RIPOR2: variants seen among roughly 807,000 people sequenced by gnomAD.
RIPOR2 encodes RHO family interacting cell polarization regulator 2, also known as rho family-interacting cell polarization regulator 2.
RIPOR2 carries 39 observed loss-of-function variants against 114.5 expected under a neutral mutation model. The ratio of observed to expected loss-of-function variants is 0.34; its 90% confidence interval spans 0.26 to 0.44. RIPOR2 has a LOEUF of 0.44. RIPOR2 is among the 20% of genes least tolerant of loss of function. The probability of loss-of-function intolerance (pLI) is 1.00; values close to 1 mark genes in which losing one functional copy is unlikely to be tolerated. For synonymous variants in RIPOR2, 445 were observed against 484.4 expected, an observed-to-expected ratio of 0.92 and a Z score of 1.07; for missense variants, 1,007 against 1,255.1, an observed-to-expected ratio of 0.80 and a Z score of 2.99.
At chr6:24,964,900 A>G (rs140114776) in intron 1 of RIPOR2, among the ~76,000 whole-genome samples, 1 of 152,266 alleles carries the variant, frequency 6.6e-6, no homozygotes, top group Non-Finnish European at 1.5e-5. Flanking sequence ...GATATTGAAC[A>G]TCTTTTTATG....
intron 21 of RIPOR2, among the ~76,000 whole-genome samples, chr6:24,808,022 TA>T (rs1562207355): frequency 6.6e-6 from 1 of 152,134 alleles, no homozygotes; most frequent in Admixed American, 6.6e-5. Flanking sequence ...AAAAAATCCT[TA>T]AAAAATCCTG....
chr6:24,976,668 G>C, intron 1 of RIPOR2: 4 of 1,608,252 alleles, frequency 2.5e-6, no homozygotes, highest in South Asian at 1.1e-5. Context: ...CAGGGTTTAT[G>C]TGTCAGGGTG....
intron 1 of RIPOR2, chr6:24,976,688 C>T (rs1774066634): frequency 1.9e-6 from 3 of 1,607,820 alleles, no homozygotes; most frequent in African/African-American, 1.3e-5. Flanking sequence ...GGTGACTTCA[C>T]ACGCCATAAT....
intron 1 of RIPOR2, among the ~76,000 whole-genome samples, chr6:25,027,901 G>A (rs138752983): frequency 9.3e-4 from 141 of 152,316 alleles, no homozygotes; most frequent in African/African-American, 3.2e-3. Flanking sequence ...CAGTCGGGCC[G>A]CTGAGCCATC....
rs1302207784 is a variant in RIPOR2 at position 24,830,610 on chromosome 6, G to A, written c.2405C>T (p.Pro802Leu). 6.4e-7 allele frequency: 1 copy of A among 1,551,466 alleles called. No individual in the cohort carries two copies. The highest frequency in any genetic ancestry group is 1.4e-5 in the African/African-American group (1 of 73,044). Reference protein sequence around the residue: ...LLSFWTKCCSPVGVYHSPADR... With the variant: ...LLSFWTKCCSLVGVYHSPADR... ...CGCTGGGCTGTGGTAGACACCAACA[G>A]GGCTGCAGCACTTGGTCCAGAATGA... is the stretch of plus-strand genomic sequence containing the variant. The change falls in exon 17 of 22, where the codon CCT (proline) becomes CTT (leucine). Residue 802 changes from proline to leucine, a missense_variant. Coordinates refer to ENST00000643898, the MANE Select transcript of RIPOR2 (RefSeq NM_001286445.3).
rs530256583 is a variant in RIPOR2, at chr6:24,873,789, A to T, written c.199T>A (p.Phe67Ile). The T allele has an allele frequency of 2.0e-5, 33 of 1,611,554 alleles. No individual in the cohort carries two copies. The African/African-American group carries it at 3.6e-4, about 18-fold the overall frequency. The change falls in exon 3 of 22, where the codon TTC (phenylalanine) becomes ATC (isoleucine). Residue 67 changes from phenylalanine (F) to isoleucine (I), a missense_variant. Physicochemically the swap from Phe to Ile is conservative, Grantham distance 21. Coordinates refer to ENST00000643898, the MANE Select transcript of RIPOR2 (RefSeq NM_001286445.3). ...TTGAGAGCGGAGGAATTTTCAATGA[A>T]GGAGTTACACCTATGGAAAGAACAG... Reference protein sequence around the residue: ...LQERRSRCNSFIENSSALKKP... With the variant: ...LQERRSRCNSIIENSSALKKP...
chr6:24,927,498 A>G (rs1367773308), intron 1 of RIPOR2, among the ~76,000 whole-genome samples: 1 of 152,014 alleles, frequency 6.6e-6, no homozygotes, highest in Non-Finnish European at 1.5e-5. Flanking sequence ...AACCATCACT[A>G]CCATCACCAT....
intron 1 of RIPOR2, among the ~76,000 whole-genome samples, chr6:25,001,624 C>CAAAA (rs747422738): frequency 5.3e-5 from 3 of 56,332 alleles, no homozygotes; most frequent in African/African-American, 1.3e-4. Flanking sequence ...GACTTCATCT[C>CAAAA]AAAAAAAAAA....
chr6:24,899,434 T>TA (rs1417924616), intron 1 of RIPOR2, among the ~76,000 whole-genome samples: 1 of 151,920 alleles, frequency 6.6e-6, no homozygotes, highest in Non-Finnish European at 1.5e-5. Flanking sequence ...GTGATGCAAA[T>TA]AAAAAAAATA....
intron 1 of RIPOR2, chr6:25,023,560 T>G (rs1776435001): frequency 3.9e-6 from 3 of 772,038 alleles, no homozygotes; most frequent in Non-Finnish European, 7.1e-6. Context: ...AGCCCAGGCC[T>G]TGTTTGATTT....
chr6:24,992,408 G>A (rs1443107452), intron 1 of RIPOR2, among the ~76,000 whole-genome samples: 4 of 152,092 alleles, frequency 2.6e-5, no homozygotes, highest in African/African-American at 9.7e-5. Context: ...AAAATCACTG[G>A]TATTCCTATA....
In RIPOR2 at chr6:24,817,671, G is replaced by A. The variant is rs1437246314; in HGVS notation, c.2952+871C>T. On this transcript the variant is annotated intron_variant, in intron 20 of 21. Transcript: ENST00000643898. ...TCGCTCACGCTGGGAGCTGTAGACC[G>A]GAGCTGTTCCTATTCGGCCATCTTG... Among the ~76,000 whole-genome samples the A allele has an allele frequency of 1.4e-4, 2 of 14,458 alleles. 1 individual carries two copies. Among genetic ancestry groups the A allele is most frequent in the African/African-American group, 1.7e-4 (2 of 11,438 alleles). The allele number at this position is 14,458 out of a possible 152,430, so 9.5% of individuals were successfully genotyped here.
chr6:24,918,977 A>G (rs887413503), intron 1 of RIPOR2, among the ~76,000 whole-genome samples: 4 of 152,076 alleles, frequency 2.6e-5, no homozygotes, highest in Admixed American at 2.0e-4. Flanking sequence ...ACCTCCCCCA[A>G]CTAACACACA....
chr6:24,840,603 G>C, intron 13 of RIPOR2: 1 of 1,506,958 alleles, frequency 6.6e-7, no homozygotes, highest in Non-Finnish European at 8.8e-7. Flanking sequence ...TGATTTCTTA[G>C]CGCAAGGTAG....
At chr6:24,852,012 G>A (rs1762989393) in intron 9 of RIPOR2, among the ~76,000 whole-genome samples, 2 of 150,140 alleles carry the variant, frequency 1.3e-5, no homozygotes, top group Non-Finnish European at 3.0e-5. Context: ...AGCACTTTGG[G>A]AGGCCGAAGG....
At chr6:24,910,856 C>G (rs1332447896) in intron 1 of RIPOR2, 2 of 985,308 alleles carry the variant, frequency 2.0e-6, no homozygotes, top group Non-Finnish European at 2.4e-6. Flanking sequence ...GGGGCACACT[C>G]AGGGTTCTCT....
rs774133110 is a variant in RIPOR2 at position 24,835,894 on chromosome 6, T to A, written c.2040-23A>T. 1.1e-5 allele frequency: 17 copies of A among 1,550,026 alleles called. No individual in the cohort carries two copies. In the South Asian group the frequency reaches 2.0e-4, roughly 18 times the overall value. On this transcript the variant is annotated intron_variant, in intron 14 of 21. Coordinates refer to ENST00000643898, the MANE Select transcript of RIPOR2 (RefSeq NM_001286445.3). ...TAACTATTGAAGGTGGGCAAAACAT[T>A]AGCTATTCTTTTTCTGTGCACAAAC...
chr6:24,853,101 G>A (rs1207631624), intron 8 of RIPOR2, among the ~76,000 whole-genome samples: 2 of 152,038 alleles, frequency 1.3e-5, no homozygotes, highest in African/African-American at 4.8e-5. Context: ...TCATTCTGAT[G>A]TTTTCTTTAT....
chr6:24,932,749 G>T (rs1320556319), intron 1 of RIPOR2, among the ~76,000 whole-genome samples: 1 of 152,144 alleles, frequency 6.6e-6, no homozygotes, highest in Non-Finnish European at 1.5e-5. Flanking sequence ...TTAAAAATGT[G>T]TCAATTGCAA....
Sources: gnomAD v4.1 joint callset for allele counts (sites outside exome capture counted in the v4.1 genomes callset) on GRCh38, gnomAD v4.1.1 for gene constraint, MANE v1.5 for transcripts, NCBI Gene and HGNC (gene_info 2026-07-23, HGNC 2026-07-21) for gene names.